Variants in RBFOX1 observed in about 807,000 individuals in gnomAD.
The protein encoded by RBFOX1 is RNA binding fox-1 homolog 1, also known as RNA binding protein fox-1 homolog 1.
In RBFOX1, 8 loss-of-function variants were observed where a neutral mutation model predicts 57.7. The ratio of observed to expected loss-of-function variants is 0.14; its 90% CI spans 0.08 to 0.25. The LOEUF (loss-of-function observed/expected upper bound fraction) is 0.25, where lower values mean the gene tolerates loss of function less well. RBFOX1 is among the 10% of genes least tolerant of loss of function. The probability of loss-of-function intolerance (pLI) is 1.00; values close to 1 mark genes in which losing one functional copy is unlikely to be tolerated. For synonymous variants in RBFOX1, 326 were observed against 222.4 expected (o/e 1.47, Z -4.15); for missense variants, 611 against 548.5 (o/e 1.11, Z -1.14).
chr16:6,982,495 G>A (rs1421322426), intron 3 of RBFOX1, among the ~76,000 whole-genome samples: 1 of 152,142 alleles, frequency 6.6e-6, no homozygotes, highest in African/African-American at 2.4e-5. Flanking sequence ...TTGACGAGGT[G>A]GATCCTGGAG....
intron 1 of RBFOX1, among the ~76,000 whole-genome samples, chr16:6,145,362 A>C (rs2096749901): frequency 6.6e-6 from 1 of 151,966 alleles, no homozygotes; most frequent in African/African-American, 2.4e-5. Flanking sequence ...CAAAAGACAC[A>C]ATCTTGTTTT....
intron 3 of RBFOX1, among the ~76,000 whole-genome samples, chr16:6,765,830 C>A (rs1008643110): frequency 6.6e-6 from 1 of 152,150 alleles, no homozygotes; most frequent in African/African-American, 2.4e-5. Flanking sequence ...ATGTCTTTTG[C>A]AGCAACTTGG....
intron 4 of RBFOX1, among the ~76,000 whole-genome samples, chr16:7,300,269 G>T (rs544122613): frequency 4.0e-5 from 6 of 148,878 alleles, no homozygotes; most frequent in South Asian, 2.1e-4. Flanking sequence ...ACCTTTGTTT[G>T]TCCGGCCCCA....
At chr16:7,081,357 A>C (rs934262365) in intron 4 of RBFOX1, among the ~76,000 whole-genome samples, 1 of 152,148 alleles carries the variant, frequency 6.6e-6, no homozygotes, top group African/African-American at 2.4e-5. Flanking sequence ...ATTAACATGC[A>C]GAACATGGTA....
At chr16:7,149,575 T>A (rs2075728064) in intron 4 of RBFOX1, among the ~76,000 whole-genome samples, 2 of 144,504 alleles carry the variant, frequency 1.4e-5, no homozygotes, top group South Asian at 4.6e-4. Context: ...AACCTCCTCC[T>A]CCCAGGCTCA....
At chr16:6,657,264 G>A (rs1036963660) in intron 3 of RBFOX1, among the ~76,000 whole-genome samples, 1 of 151,450 alleles carries the variant, frequency 6.6e-6, no homozygotes, top group African/African-American at 2.4e-5. Flanking sequence ...GTAATACAGT[G>A]AATCTTATAC....
At chr16:6,615,252 A>G (rs1048479099) in intron 2 of RBFOX1, among the ~76,000 whole-genome samples, 8 of 152,216 alleles carry the variant, frequency 5.3e-5, no homozygotes, top group African/African-American at 1.9e-4. Context: ...TTTAGACTAG[A>G]ATCTCATTCA....
intron 11 of RBFOX1, among the ~76,000 whole-genome samples, chr16:7,650,183 A>G (rs1195463391): frequency 2.0e-5 from 3 of 152,220 alleles, no homozygotes; most frequent in African/African-American, 4.8e-5. Context: ...AGATTTCACG[A>G]AAGGGCCCCT....
At chr16:7,622,711 C>A (rs976108473) in intron 10 of RBFOX1, among the ~76,000 whole-genome samples, 23 of 152,072 alleles carry the variant, frequency 1.5e-4, no homozygotes, top group Middle Eastern at 3.4e-3. Context: ...CGCTTCAGGG[C>A]CCCTTTAAAT....
At chr16:6,623,807 G>C (rs1387864095) in intron 2 of RBFOX1, among the ~76,000 whole-genome samples, 1 of 152,146 alleles carries the variant, frequency 6.6e-6, no homozygotes, top group Non-Finnish European at 1.5e-5. Context: ...GTATTCTATG[G>C]TGTATATGTG....
intron 3 of RBFOX1, among the ~76,000 whole-genome samples, chr16:7,029,996 G>T (rs1000861965): frequency 6.6e-6 from 1 of 152,180 alleles, no homozygotes; most frequent in Non-Finnish European, 1.5e-5. Flanking sequence ...ACACTTTTCG[G>T]TCACGTGTGT....
chr16:6,916,064 C>T (rs1190931030), intron 3 of RBFOX1, among the ~76,000 whole-genome samples: 1 of 152,120 alleles, frequency 6.6e-6, no homozygotes. Flanking sequence ...CTGCTACTCC[C>T]CAGACCCAGG....
chr16:7,527,466 T>C (rs1352382272), intron 5 of RBFOX1, among the ~76,000 whole-genome samples: 4 of 152,136 alleles, frequency 2.6e-5, no homozygotes, highest in African/African-American at 9.7e-5. Flanking sequence ...TGACGTTCTT[T>C]TTTGGACTGG....
At chr16:6,472,856 C>T (rs985673769) in intron 2 of RBFOX1, among the ~76,000 whole-genome samples, 6 of 152,038 alleles carry the variant, frequency 3.9e-5, no homozygotes, top group African/African-American at 1.4e-4. Flanking sequence ...AACTCCCAAC[C>T]TTATTTGATC....
At chr16:7,079,404 T>C (rs1486429593) in intron 4 of RBFOX1, among the ~76,000 whole-genome samples, 1 of 152,146 alleles carries the variant, frequency 6.6e-6, no homozygotes, top group African/African-American at 2.4e-5. Flanking sequence ...ATGCTTCATA[T>C]GGAAAGTTCT....
intron 1 of RBFOX1, among the ~76,000 whole-genome samples, chr16:6,213,807 G>T (rs1374103539): frequency 2.6e-5 from 4 of 152,172 alleles, no homozygotes; most frequent in African/African-American, 4.8e-5. Context: ...CTAAGCCAGG[G>T]TTCTCAACCT....
chr16:7,541,445 G>C (rs1308587583), intron 5 of RBFOX1, among the ~76,000 whole-genome samples: 1 of 151,020 alleles, frequency 6.6e-6, no homozygotes, highest in Non-Finnish European at 1.5e-5. Flanking sequence ...GATCTCATTA[G>C]TGTTTGTTTT....
intron 3 of RBFOX1, among the ~76,000 whole-genome samples, chr16:6,799,745 A>C (rs1016495140): frequency 1.3e-5 from 2 of 152,078 alleles, no homozygotes; most frequent in African/African-American, 4.8e-5. Flanking sequence ...GCCCTTGACC[A>C]TCAGCCTCCA....
intron 4 of RBFOX1, among the ~76,000 whole-genome samples, chr16:7,289,302 A>T (rs984458685): frequency 2.0e-5 from 3 of 152,166 alleles, no homozygotes; most frequent in African/African-American, 4.8e-5. Context: ...AGCCTAAGAG[A>T]ACAGGGCTGG....
Sources: allele counts gnomAD v4.1 joint callset (sites outside exome capture counted in the v4.1 genomes callset), GRCh38; gene constraint gnomAD v4.1.1; transcripts MANE v1.5; gene names NCBI Gene and HGNC (gene_info 2026-07-23, HGNC 2026-07-21).